The following RAD51B variants were observed in gnomAD, a reference collection of about 807,000 sequenced individuals.
RAD51B encodes RAD51 paralog B, also known as DNA repair protein RAD51 homolog 2.
RAD51B carries 38 observed loss-of-function variants against 42.2 expected under a neutral mutation model. The observed-to-expected ratio is 0.90, with a 90% CI of 0.70 to 1.18. RAD51B has a LOEUF of 1.18. Among genes scored for constraint, RAD51B ranks in the 50% most tolerant of loss-of-function variants. The probability of loss-of-function intolerance (pLI) is 0.00; values close to 1 mark genes in which losing one functional copy is unlikely to be tolerated. For synonymous variants in RAD51B, 154 were observed against 145.2 expected (o/e 1.06, Z -0.43); for missense variants, 373 against 400.7 (o/e 0.93, Z 0.59).
At chr14:68,137,952 A>T (rs201346938) in intron 7 of RAD51B, among the ~76,000 whole-genome samples, 1 of 152,124 alleles carries the variant, frequency 6.6e-6, no homozygotes, top group Non-Finnish European at 1.5e-5. Flanking sequence ...ATGAGAAAGG[A>T]TTCTCTGTAG....
intron 7 of RAD51B, among the ~76,000 whole-genome samples, chr14:68,088,648 G>A (rs2077039254): frequency 7.1e-6 from 1 of 140,882 alleles, no homozygotes; most frequent in Non-Finnish European, 1.5e-5. Flanking sequence ...GAGACAGAGA[G>A]AGAGAGGTGG....
intron 10 of RAD51B, among the ~76,000 whole-genome samples, chr14:68,486,549 C>CA (rs1313181509): frequency 6.6e-6 from 1 of 152,198 alleles, no homozygotes; most frequent in Non-Finnish European, 1.5e-5. Context: ...AGTTAATCAA[C>CA]AACGACCTAT....
intron 7 of RAD51B, among the ~76,000 whole-genome samples, chr14:68,023,905 C>G (rs2075908933): frequency 6.6e-6 from 1 of 152,022 alleles, no homozygotes; most frequent in South Asian, 2.1e-4. Context: ...GGGGGCTTAG[C>G]TAAAACTTCT....
chr14:68,209,888 G>C (rs574768976), intron 7 of RAD51B, among the ~76,000 whole-genome samples: 6 of 151,994 alleles, frequency 3.9e-5, no homozygotes, highest in African/African-American at 7.2e-5. Context: ...ATGAGCACAC[G>C]ATCTTTTTCC....
chr14:68,201,562 T>G (rs756464580), intron 7 of RAD51B, among the ~76,000 whole-genome samples: 1 of 152,258 alleles, frequency 6.6e-6, no homozygotes, highest in East Asian at 1.9e-4. Context: ...TGTAGAACTA[T>G]GTCCTAGAAC....
chr14:68,037,983 T>C (rs2076160623), intron 7 of RAD51B, among the ~76,000 whole-genome samples: 1 of 152,244 alleles, frequency 6.6e-6, no homozygotes. Flanking sequence ...TGATATAAAC[T>C]GGTTAACTGA....
At chr14:68,213,532 G>A (rs2079754072) in intron 7 of RAD51B, among the ~76,000 whole-genome samples, 1 of 152,228 alleles carries the variant, frequency 6.6e-6, no homozygotes, top group Admixed American at 6.5e-5. Context: ...GAAGGAGGAA[G>A]CTTAGGTTGA....
At chr14:68,281,015 C>T (rs2081310274) in intron 7 of RAD51B, among the ~76,000 whole-genome samples, 1 of 151,102 alleles carries the variant, frequency 6.6e-6, no homozygotes, top group Admixed American at 6.6e-5. Context: ...CGTGATTGCA[C>T]TACTGCAGTT....
chr14:68,203,291 C>T (rs1461350792), intron 7 of RAD51B, among the ~76,000 whole-genome samples: 1 of 152,126 alleles, frequency 6.6e-6, no homozygotes, highest in Non-Finnish European at 1.5e-5. Flanking sequence ...ATGAAAACAA[C>T]CTTAATCTTA....
At chr14:68,103,037 A>G (rs1173911284) in intron 7 of RAD51B, among the ~76,000 whole-genome samples, 3 of 152,120 alleles carry the variant, frequency 2.0e-5, no homozygotes, top group Non-Finnish European at 2.9e-5. Flanking sequence ...AGAACTCACT[A>G]TCAGAAGAAC....
chr14:68,244,742 C>T (rs530571908), intron 7 of RAD51B, among the ~76,000 whole-genome samples: 2 of 152,242 alleles, frequency 1.3e-5, no homozygotes, highest in African/African-American at 4.8e-5. Flanking sequence ...TCCAGCAAAT[C>T]CACCCATGCA....
At chr14:67,964,484 A>T (rs951490604) in intron 7 of RAD51B, among the ~76,000 whole-genome samples, 1 of 152,198 alleles carries the variant, frequency 6.6e-6, no homozygotes, top group Admixed American at 6.5e-5. Flanking sequence ...GAGCTGATTT[A>T]TTTAGTTATG....
chr14:68,455,851 T>C (rs2085672443), intron 9 of RAD51B, among the ~76,000 whole-genome samples: 1 of 152,236 alleles, frequency 6.6e-6, no homozygotes, highest in Admixed American at 6.5e-5. Flanking sequence ...GAAAGATAAC[T>C]GCAAAAAGCA....
rs1044160595 is a variant in RAD51B, at chr14:68,133,098, G to C, written c.757-158786G>C. Among the ~76,000 whole-genome samples the C allele has an allele frequency of 2.0e-5, 3 of 152,192 alleles. No homozygotes were observed. In the South Asian group the frequency reaches 6.2e-4, roughly 31 times the overall value. ...GTGGGGGGCAGGCAATATAGTAATT[G>C]CATGTATTCAAAGGTTAGCTCAATC... On this transcript the variant is annotated intron_variant, in intron 7 of 10. Coordinates refer to ENST00000471583, the MANE Select transcript of RAD51B (RefSeq NM_133510.4).
At chr14:68,431,903 C>T (rs975289423) in intron 9 of RAD51B, among the ~76,000 whole-genome samples, 3 of 152,030 alleles carry the variant, frequency 2.0e-5, no homozygotes, top group African/African-American at 7.3e-5. Context: ...TATAAATTTC[C>T]CTCTACACCC....
intron 7 of RAD51B, among the ~76,000 whole-genome samples, chr14:68,248,141 C>T (rs751837121): frequency 2.0e-5 from 3 of 152,174 alleles, no homozygotes; most frequent in African/African-American, 4.8e-5. Flanking sequence ...CTTCATAATG[C>T]GTTAGTTGCA....
intron 10 of RAD51B, among the ~76,000 whole-genome samples, chr14:68,583,955 AC>A (rs1360766286): frequency 6.6e-6 from 1 of 152,084 alleles, no homozygotes; most frequent in Non-Finnish European, 1.5e-5. Flanking sequence ...GGGCCACAGC[AC>A]CGGCCACTCC....
intron 7 of RAD51B, among the ~76,000 whole-genome samples, chr14:68,140,641 G>C (rs542987424): frequency 6.6e-6 from 1 of 152,164 alleles, no homozygotes; most frequent in African/African-American, 2.4e-5. Flanking sequence ...CCAAATTCAC[G>C]TCACTTTCAA....
At chr14:68,296,786 A>C (rs997375345) in intron 8 of RAD51B, among the ~76,000 whole-genome samples, 1 of 152,222 alleles carries the variant, frequency 6.6e-6, no homozygotes, top group Non-Finnish European at 1.5e-5. Context: ...GGAAAAGAAG[A>C]CATTATTAGG....
Sources: allele counts gnomAD v4.1 joint callset (sites outside exome capture counted in the v4.1 genomes callset), GRCh38; gene constraint gnomAD v4.1.1; transcripts MANE v1.5; gene names NCBI Gene and HGNC (gene_info 2026-07-23, HGNC 2026-07-21).